Variants in LOXL2 observed in about 807,000 individuals in gnomAD.
The protein encoded by LOXL2 is lysyl oxidase homolog 2.
Under a neutral mutation model 93.0 loss-of-function variants are expected in LOXL2, and 70 were observed. The ratio of observed to expected loss-of-function variants is 0.75; its 90% CI spans 0.62 to 0.92. The LOEUF is 0.92. LOXL2 is among the 40% of genes least tolerant of loss of function. The probability of loss-of-function intolerance (pLI) is 0.00; values close to 1 mark genes in which losing one functional copy is unlikely to be tolerated. For synonymous variants in LOXL2, 438 were observed against 413.2 expected, an observed-to-expected ratio of 1.06 and a Z score of -0.73; for missense variants, 973 against 1,054.9, an observed-to-expected ratio of 0.92 and a Z score of 1.08.
intron 3 of LOXL2, 114 bp from the exon 4 acceptor site, chr8:23,341,317 T>A: frequency 1.2e-6 from 1 of 850,958 alleles, no homozygotes; most frequent in Non-Finnish European, 1.9e-6. Flanking sequence ...CGGGCCTGCC[T>A]GTGCCCTCAG....
In LOXL2 at chr8:23,311,321, C is replaced by T. The variant is rs79384353; in HGVS notation, c.1637-1410G>A. On this transcript the variant is annotated intron_variant, in intron 9 of 13. Transcript: ENST00000389131. The stretch of plus-strand genomic sequence containing the variant: ...GTAGGGAAAAGGTGCACACAGATGG[C>T]ACATGGGGTGGGGCACGGAAGCCGT... Among the ~76,000 whole-genome samples, 1,393 of 152,274 alleles carry T rather than the reference C, an allele frequency of 9.1e-3. 83 individuals are homozygous for T. In the East Asian group the frequency reaches 0.16, roughly 17 times the overall value.
At chr8:23,378,769 G>A (rs991546049) in intron 1 of LOXL2, among the ~76,000 whole-genome samples, 2 of 152,256 alleles carry the variant, frequency 1.3e-5, no homozygotes, top group African/African-American at 2.4e-5. Flanking sequence ...CGTAGTTCTC[G>A]TGCCATGGTT....
chr8:23,373,069 T>A (rs896779457), intron 1 of LOXL2, among the ~76,000 whole-genome samples: 6 of 152,138 alleles, frequency 3.9e-5, no homozygotes, highest in African/African-American at 1.4e-4. Context: ...AAAGAACAAG[T>A]AGAAAATCCC....
chr8:23,359,320 G>A (rs1019675014), intron 3 of LOXL2, among the ~76,000 whole-genome samples: 2 of 152,134 alleles, frequency 1.3e-5, no homozygotes, highest in Admixed American at 6.5e-5. Flanking sequence ...CAGAAATGAT[G>A]GCCTATCACT....
chr8:23,302,905 G>A (rs1335735998), intron 11 of LOXL2, among the ~76,000 whole-genome samples: 1 of 152,178 alleles, frequency 6.6e-6, no homozygotes, highest in African/African-American at 2.4e-5. Flanking sequence ...GACACCTGGT[G>A]TGGTAGGGAC....
chr8:23,361,341 C>T (rs573217042), intron 2 of LOXL2, among the ~76,000 whole-genome samples: 1 of 152,264 alleles, frequency 6.6e-6, no homozygotes, highest in South Asian at 2.1e-4. Flanking sequence ...CTCTTACTTC[C>T]CAATATTTCC....
At chr8:23,346,570 C>G (rs1803990548) in intron 3 of LOXL2, among the ~76,000 whole-genome samples, 1 of 152,232 alleles carries the variant, frequency 6.6e-6, no homozygotes, top group Non-Finnish European at 1.5e-5. Context: ...CAGCATCTGT[C>G]CATGACTTGC....
chr8:23,379,283 T>C (rs901635122), intron 1 of LOXL2, among the ~76,000 whole-genome samples: 2 of 152,178 alleles, frequency 1.3e-5, no homozygotes, highest in Non-Finnish European at 2.9e-5. Flanking sequence ...TCCTGCCTGA[T>C]TGTTCCTCTG....
At chr8:23,399,673 CT>C (rs1800133560) in intron 1 of LOXL2, among the ~76,000 whole-genome samples, 1 of 152,142 alleles carries the variant, frequency 6.6e-6, no homozygotes, top group South Asian at 2.1e-4. Context: ...AACTAAATTC[CT>C]TTTGTTTAAT....
intron 12 of LOXL2, among the ~76,000 whole-genome samples, chr8:23,301,442 CAAAG>C (rs545790237): frequency 7.0e-4 from 106 of 152,310 alleles, no homozygotes; most frequent in Non-Finnish European, 1.2e-3. Flanking sequence ...ACCCCTCTGA[CAAAG>C]AAGTCACCTG....
chr8:23,383,665 T>TTG (rs60584720), intron 1 of LOXL2, among the ~76,000 whole-genome samples: 18,855 of 110,912 alleles, frequency 0.17, 1,455 homozygotes, highest in South Asian at 0.25. Flanking sequence ...TTGTTTTTTT[T>TTG]TTTTTTTTTT....
chr8:23,321,755 A>C, intron 7 of LOXL2: 1 of 192,276 alleles, frequency 5.2e-6, no homozygotes, highest in Non-Finnish European at 1.1e-5. Context: ...CTGAACATGA[A>C]TAGAGGAAAG....
chr8:23,316,968 G>A lies in LOXL2; in HGVS notation c.1617C>T (p.Ala539=), dbSNP rs7357444. ...ACPQGGVQYG[A]GVACSETAPD... ...TCTCACTTTCTGAGCAGGCAACTCCGGCCCCGTACTGCACTCCGCCCTGGG... is the reference window on the plus strand; with the variant it reads ...TCTCACTTTCTGAGCAGGCAACTCCAGCCCCGTACTGCACTCCGCCCTGGG... The change falls in exon 9 of 14, where the codon GCC becomes GCT. Residue 539 remains alanine, a synonymous_variant. Coordinates refer to ENST00000389131, the MANE Select transcript of LOXL2 (RefSeq NM_002318.3). The A allele has an allele frequency of 0.02, 32,408 of 1,602,340 alleles. 1,630 individuals are homozygous for A. The highest frequency in any genetic ancestry group is 0.14 in the Admixed American group (8,115 of 57,358).
In LOXL2 at chr8:23,387,678, G is replaced by A. The variant is rs181406316; in HGVS notation, c.-84+16276C>T. On this transcript the variant is annotated intron_variant, in intron 1 of 13. Transcript: ENST00000389131. ...AAAAACAACTTTTTAGGCCAGGCAC[G>A]GTGGCTCATGCCTGTAATCCCAGCA... is the stretch of plus-strand genomic sequence containing the variant. Among the ~76,000 whole-genome samples the A allele has an allele frequency of 2.7e-3, 413 of 152,298 alleles. 1 individual carries two copies. The highest frequency in any genetic ancestry group is 8.3e-3 in the African/African-American group (344 of 41,548).
At chr8:23,387,144 T>C (rs1025459945) in intron 1 of LOXL2, among the ~76,000 whole-genome samples, 2 of 152,216 alleles carry the variant, frequency 1.3e-5, no homozygotes, top group African/African-American at 4.8e-5. Context: ...TGGTTGTGCC[T>C]GGCTCTTCAG....
At chr8:23,399,260 A>G (rs1020108728) in intron 1 of LOXL2, among the ~76,000 whole-genome samples, 4 of 152,096 alleles carry the variant, frequency 2.6e-5, no homozygotes, top group Non-Finnish European at 5.9e-5. Context: ...GGACGATGAC[A>G]GTAACAAGCT....
chr8:23,361,076 AT>A (rs925543279), intron 2 of LOXL2, among the ~76,000 whole-genome samples: 61 of 151,272 alleles, frequency 4.0e-4, no homozygotes, highest in African/African-American at 1.4e-3. Context: ...AATTTTTTGT[AT>A]TTTAGTAGAG....
At chr8:23,303,070 A>G (rs1480797665) in intron 11 of LOXL2, among the ~76,000 whole-genome samples, 1 of 152,068 alleles carries the variant, frequency 6.6e-6, no homozygotes, top group Non-Finnish European at 1.5e-5. Flanking sequence ...GCCTGTCAGC[A>G]CAGCTCTGGG....
intron 4 of LOXL2, among the ~76,000 whole-genome samples, chr8:23,334,879 C>G (rs1256242760): frequency 6.6e-6 from 1 of 150,512 alleles, no homozygotes; most frequent in Admixed American, 6.6e-5. Context: ...TGCTTTGGCG[C>G]GATCTTAACT....
Sources: allele counts gnomAD v4.1 joint callset (sites outside exome capture counted in the v4.1 genomes callset), GRCh38; gene constraint gnomAD v4.1.1; transcripts MANE v1.5; gene names NCBI Gene and HGNC (gene_info 2026-07-23, HGNC 2026-07-21).